The following ZNF652 variants were observed in gnomAD, a reference collection of about 807,000 sequenced individuals.
ZNF652 encodes the protein zinc finger protein 652.
In ZNF652, 16 loss-of-function variants were observed where a neutral mutation model predicts 45.2. The ratio of observed to expected loss-of-function variants is 0.35; its 90% CI spans 0.24 to 0.54. The LOEUF (loss-of-function observed/expected upper bound fraction) is 0.54. ZNF652 is among the 20% of genes least tolerant of loss of function. The pLI is 0.91. For synonymous variants in ZNF652, 250 were observed against 260.6 expected, an observed-to-expected ratio of 0.96 and a Z score of 0.39; for missense variants, 614 against 765.6, an observed-to-expected ratio of 0.80 and a Z score of 2.34.
At chr17:49,352,391 A>C (rs560268901) in intron 1 of ZNF652, among the ~76,000 whole-genome samples, 4 of 152,324 alleles carry the variant, frequency 2.6e-5, no homozygotes, top group South Asian at 2.1e-4. Flanking sequence ...GGTTCAGAAA[A>C]GTTAAATGGC....
chr17:49,336,438 T>C (rs954380785), intron 1 of ZNF652, among the ~76,000 whole-genome samples: 3 of 151,014 alleles, frequency 2.0e-5, no homozygotes, highest in Admixed American at 1.3e-4. Flanking sequence ...CAAGTGATTC[T>C]CCTGCCTCAG....
At chr17:49,342,318 T>A (rs1038104302) in intron 1 of ZNF652, among the ~76,000 whole-genome samples, 2 of 152,072 alleles carry the variant, frequency 1.3e-5, no homozygotes, top group Non-Finnish European at 2.9e-5. Flanking sequence ...TATTTAAAAA[T>A]TTTTATGTTA....
chr17:49,338,510 G>A (rs2070109433), intron 1 of ZNF652, among the ~76,000 whole-genome samples: 1 of 152,196 alleles, frequency 6.6e-6, no homozygotes, highest in Non-Finnish European at 1.5e-5. Flanking sequence ...ACCCTAGACT[G>A]AGGCGTCTTG....
intron 3 of ZNF652, 39 bp downstream of exon 3, chr17:49,312,659 G>T: frequency 6.3e-7 from 1 of 1,598,592 alleles, no homozygotes; most frequent in Non-Finnish European, 8.5e-7. Context: ...GAAGAACAAG[G>T]GAAAATTATA....
rs2069380078 is a variant in ZNF652, at chr17:49,289,740, TGA to T, written c.*8671_*8672del. The T allele has an allele frequency of 6.6e-6, 1 of 152,270 alleles. No homozygotes were observed. The highest frequency in any genetic ancestry group is 1.5e-5 in the Non-Finnish European group (1 of 68,062). 9.4% of individuals were successfully genotyped at this position (152,270 alleles called of 1,614,324 possible). On this transcript the variant is annotated 3_prime_UTR_variant, in exon 6 of 6. Transcript: ENST00000430262. ...AGCATGACAGCTGCCTGCCCTACAC[TGA>T]GTCTACTTGACCTTCAATTGCGTCT...
chr17:49,312,999 C>T (rs1479438430), intron 2 of ZNF652, among the ~76,000 whole-genome samples, 154 bp from the exon 3 acceptor site: 14 of 152,226 alleles, frequency 9.2e-5, no homozygotes. Context: ...CCAACACCAA[C>T]ATCTGTATGT....
chr17:49,303,342 G>A (rs1384431961), intron 5 of ZNF652, among the ~76,000 whole-genome samples: 2 of 146,764 alleles, frequency 1.4e-5, no homozygotes, highest in Non-Finnish European at 3.0e-5. Context: ...CTGGGTTTGA[G>A]CAATTCTCCT....
intron 1 of ZNF652, among the ~76,000 whole-genome samples, chr17:49,354,718 T>C (rs1225921602): frequency 6.6e-6 from 1 of 152,048 alleles, no homozygotes; most frequent in Admixed American, 6.6e-5. Flanking sequence ...GTTACCTAGC[T>C]TATTTCTTTT....
rs1195437162 is a variant in ZNF652, at chr17:49,293,057, G to T, written c.*5356C>A. On this transcript the variant is annotated 3_prime_UTR_variant, in exon 6 of 6. Coordinates refer to ENST00000430262, the MANE Select transcript of ZNF652 (RefSeq NM_001145365.3). ...AGTGACATCAGAGGATTAGAGAGAGGTGCATACTCATGTGTCTGTCATAAA... is the reference window on the plus strand; with the variant it reads ...AGTGACATCAGAGGATTAGAGAGAGTTGCATACTCATGTGTCTGTCATAAA... 1.3e-5 allele frequency among the ~76,000 whole-genome samples: 2 copies of T among 152,114 alleles called. No individual in the cohort carries two copies. Among genetic ancestry groups the T allele is most frequent in the Non-Finnish European group, 2.9e-5 (2 of 68,014 alleles).
At chr17:49,311,034 A>C (rs1346718885) in intron 5 of ZNF652, among the ~76,000 whole-genome samples, 2 of 152,208 alleles carry the variant, frequency 1.3e-5, no homozygotes, top group Non-Finnish European at 2.9e-5. Flanking sequence ...AGTTTCATAC[A>C]ATTTCAGGAG....
At chr17:49,357,800 T>G (rs1170611123) in intron 1 of ZNF652, among the ~76,000 whole-genome samples, 1 of 152,200 alleles carries the variant, frequency 6.6e-6, no homozygotes, top group Non-Finnish European at 1.5e-5. Flanking sequence ...TGGGTAGCAC[T>G]GTAGAATTTG....
At position 49,311,809 on chromosome 17, in the gene ZNF652, A is replaced by C. The variant is rs1470005985; in HGVS notation, c.1164+118T>G. ...ACACAGAGCTCAGAACACATGTCTG[A>C]AAGTTCTGTGGAAGGCAGCCTTGTG... On this transcript the variant is annotated intron_variant, in intron 4 of 5. Coordinates refer to ENST00000430262, the MANE Select transcript of ZNF652 (RefSeq NM_001145365.3). The C allele has an allele frequency of 9.8e-6, 8 of 816,216 alleles. No individual in the cohort carries two copies. The African/African-American group carries it at 1.0e-4, about 10-fold the overall frequency. The allele number at this position is 816,216 out of a possible 1,614,324, so 50.6% of individuals were successfully genotyped here.
At position 49,317,024 on chromosome 17, in the gene ZNF652, G is replaced by T; in HGVS notation, c.702C>A (p.Val234=). ...CTTTCTCTTCACACTTAGCTTTCTG[G>T]ACTGGTGCTTTGGGCTCCTTTGTGG... ...KRATKEPKAP[V]QKAKCEEKET... is the part of the protein sequence containing the mutation. Residue 234 remains valine (V), a synonymous_variant, in exon 2 of 6, where the codon GTC becomes GTA. Transcript: ENST00000430262. 1 of 1,614,080 alleles carries T rather than the reference G, an allele frequency of 6.2e-7. No homozygotes were observed. The highest frequency in any genetic ancestry group is 8.5e-7 in the Non-Finnish European group (1 of 1,180,026).
At chr17:49,342,660 T>C (rs758252513) in intron 1 of ZNF652, among the ~76,000 whole-genome samples, 14 of 151,128 alleles carry the variant, frequency 9.3e-5, no homozygotes, top group Non-Finnish European at 1.6e-4. Flanking sequence ...ATGTGTATCA[T>C]ATTGACAAAC....
chr17:49,347,673 A>AT (rs1456974628), intron 1 of ZNF652, among the ~76,000 whole-genome samples: 1 of 151,894 alleles, frequency 6.6e-6, no homozygotes, highest in East Asian at 1.9e-4. Context: ...TATCTCCTAG[A>AT]ATTATACACC....
chr17:49,339,056 G>A (rs749182571), intron 1 of ZNF652, among the ~76,000 whole-genome samples: 10 of 152,092 alleles, frequency 6.6e-5, no homozygotes, highest in African/African-American at 1.2e-4. Flanking sequence ...AGACTTGGGC[G>A]GACTTCTGGA....
At position 49,316,861 on chromosome 17, in the gene ZNF652, G is replaced by A. The variant is rs2069812101; in HGVS notation, c.865C>T (p.Leu289Phe). ...TTTTCACAGTCTGTTTGCTGGTGAA[G>A]GGACAGCTCACTTTCCAGGACAAAC... Reference protein sequence around the residue: ...KKFVLESELSLHQQTDCEKNI... With the variant: ...KKFVLESELSFHQQTDCEKNI... The change falls in exon 2 of 6, where the codon CTT becomes TTT. Residue 289 changes from leucine (L) to phenylalanine (F), a missense_variant. Coordinates refer to ENST00000430262, the MANE Select transcript of ZNF652 (RefSeq NM_001145365.3). The A allele has an allele frequency of 6.2e-7, 1 of 1,613,976 alleles. No homozygotes were observed. Among genetic ancestry groups the A allele is most frequent in the Non-Finnish European group, 8.5e-7 (1 of 1,179,962 alleles).
In ZNF652 at chr17:49,316,918, G is replaced by A. The variant is rs767946024; in HGVS notation, c.808C>T (p.Arg270Cys). ...CCACATTTATCACAAATCTGCATGC[G>A]CCTATGAGTAACGTTCATGTGCTTC... ...LEKHMNVTHR[R>C]MQICDKCGKK... Residue 270 changes from arginine to cysteine, a missense_variant, in exon 2 of 6, where the codon CGC (arginine) becomes TGC (cysteine). Transcript: ENST00000430262. 2.5e-6 allele frequency: 4 copies of A among 1,614,040 alleles called. No individual in the cohort carries two copies. Among genetic ancestry groups the A allele is most frequent in the South Asian group, 1.1e-5 (1 of 91,068 alleles).
chr17:49,342,186 CAAA>C (rs145479796), intron 1 of ZNF652, among the ~76,000 whole-genome samples: 2 of 110,940 alleles, frequency 1.8e-5, no homozygotes, highest in African/African-American at 3.4e-5. Context: ...GACTCAGTCT[CAAA>C]AAAAAAAAAA....
Sources: allele counts gnomAD v4.1 joint callset (sites outside exome capture counted in the v4.1 genomes callset), GRCh38; gene constraint gnomAD v4.1.1; transcripts MANE v1.5; gene names NCBI Gene and HGNC (gene_info 2026-07-23, HGNC 2026-07-21).